GCNT3: variants seen among roughly 807,000 people sequenced by gnomAD.
GCNT3 encodes glucosaminyl (N-acetyl) transferase 3, mucin type, also known as beta-1,3-galactosyl-O-glycosyl-glycoprotein beta-1,6-N-acetylglucosaminyltransferase 3.
For synonymous variants in GCNT3, 269 were observed against 195.2 expected, an observed-to-expected ratio of 1.38 and a Z score of -3.15; for missense variants, 708 against 530.3, an observed-to-expected ratio of 1.34 and a Z score of -3.29.
At chr15:59,612,299 G>T (rs1408560896) in intron 1 of GCNT3, among the ~76,000 whole-genome samples, 1 of 152,346 alleles carries the variant, frequency 6.6e-6, no homozygotes, top group East Asian at 1.9e-4. Context: ...GTGATTAGGA[G>T]AAAAAGATTG....
chr15:59,618,221 G>A lies in GCNT3; in HGVS notation c.-18G>A, dbSNP rs375450381. On this transcript the variant is annotated 5_prime_UTR_variant, in exon 3 of 3. Coordinates refer to ENST00000396065, the MANE Select transcript of GCNT3 (RefSeq NM_004751.3). ...CCTTCCCTGTGCTCGGTCTCCACCT[G>A]TCTCCCATTCTGTGACGATGGTTCA... 6.3e-6 allele frequency: 9 copies of A among 1,428,938 alleles called. No individual in the cohort carries two copies. The African/African-American group carries it at 1.3e-4, about 20-fold the overall frequency. 88.5% of individuals were successfully genotyped at this position (1,428,938 alleles called of 1,614,324 possible). A position where few individuals can be genotyped will look rare whatever the true frequency, so the allele number is the denominator to read the frequency against.
chr15:59,618,967 C>G lies in GCNT3; in HGVS notation c.729C>G (p.Leu243=), dbSNP rs368185469. ...IKSNAEMVQA[L]KMLNGRNSME... is the part of the protein sequence containing the mutation. ...GCAATGCAGAGATGGTCCAGGCTCTCAAGATGTTGAATGGGAGGAATAGCA... is the reference window on the plus strand; with the variant it reads ...GCAATGCAGAGATGGTCCAGGCTCTGAAGATGTTGAATGGGAGGAATAGCA... Residue 243 remains leucine (L), a synonymous_variant, in exon 3 of 3, where the codon CTC becomes CTG. Transcript: ENST00000396065. The G allele has an allele frequency of 2.2e-5, 36 of 1,613,918 alleles. No individual in the cohort carries two copies. Among genetic ancestry groups the G allele is most frequent in the African/African-American group, 9.4e-5 (7 of 74,866 alleles).
At chr15:59,615,640 T>G (rs981579542) in intron 1 of GCNT3, among the ~76,000 whole-genome samples, 7 of 152,008 alleles carry the variant, frequency 4.6e-5, no homozygotes, top group Admixed American at 3.3e-4. Context: ...CCCAGCACTT[T>G]GGGAGGCCGA....
intron 2 of GCNT3, 154 bp from the exon 3 acceptor site, chr15:59,618,025 T>A: frequency 2.4e-6 from 1 of 425,048 alleles, no homozygotes; most frequent in Non-Finnish European, 4.2e-6. Context: ...ATTACAGATC[T>A]CCATCAACAA....
intron 1 of GCNT3, among the ~76,000 whole-genome samples, chr15:59,615,889 AAAC>A (rs2082717508): frequency 6.6e-6 from 1 of 152,156 alleles, no homozygotes; most frequent in African/African-American, 2.4e-5. Context: ...TACTTTGTAA[AAAC>A]AACAAAAAAC....
In GCNT3 at chr15:59,618,287, G is replaced by A; in HGVS notation, c.49G>A (p.Gly17Ser). 2 of 1,607,528 alleles carry A rather than the reference G, an allele frequency of 1.2e-6. No individual in the cohort carries two copies. Among genetic ancestry groups the A allele is most frequent in the Non-Finnish European group, 1.7e-6 (2 of 1,177,006 alleles). Reference protein sequence around the residue: ...LCQLHYLWALGCYMLLATVAL... With the variant: ...LCQLHYLWALSCYMLLATVAL... Reference sequence around the variant, plus strand: ...CCAGCTGCATTACTTGTGGGCTCTGGGCTGCTATATGCTGCTGGCCACTGT... The same window carrying A: ...CCAGCTGCATTACTTGTGGGCTCTGAGCTGCTATATGCTGCTGGCCACTGT... The change falls in exon 3 of 3, where the codon GGC (glycine) becomes AGC (serine). Residue 17 changes from glycine (G) to serine (S), a missense_variant. Coordinates refer to ENST00000396065, the MANE Select transcript of GCNT3 (RefSeq NM_004751.3).
chr15:59,614,793 A>G lies in GCNT3; in HGVS notation c.-250-1899A>G, dbSNP rs2082712124. 3.9e-5 allele frequency among the ~76,000 whole-genome samples: 6 copies of G among 152,224 alleles called. No individual in the cohort carries two copies. In the South Asian group the frequency reaches 1.2e-3, roughly 32 times the overall value. ...CCTTAACCATCTGCTAATGCAGCCCAGTAGGTCTCAGCCTCATTTTACCCA... is the reference window on the plus strand; with the variant it reads ...CCTTAACCATCTGCTAATGCAGCCCGGTAGGTCTCAGCCTCATTTTACCCA... On this transcript the variant is annotated intron_variant, in intron 1 of 2. Transcript: ENST00000396065.
intron 1 of GCNT3, among the ~76,000 whole-genome samples, chr15:59,614,601 G>T (rs1470069065): frequency 6.6e-6 from 1 of 152,176 alleles, no homozygotes; most frequent in African/African-American, 2.4e-5. Context: ...AATTGTCATG[G>T]CACTGGGGGC....
chr15:59,618,878 C>A lies in GCNT3; in HGVS notation c.640C>A (p.Leu214Ile). The A allele has an allele frequency of 6.2e-7, 1 of 1,614,170 alleles. No homozygotes were observed. The highest frequency in any genetic ancestry group is 1.1e-5 in the South Asian group (1 of 91,082). Residue 214 changes from leucine to isoleucine, a missense_variant, in exon 3 of 3, where the codon CTC (leucine) becomes ATC (isoleucine). Coordinates refer to ENST00000396065, the MANE Select transcript of GCNT3 (RefSeq NM_004751.3). Reference protein sequence around the residue: ...QADLNCMEDLLQSSVPWKYFL... With the variant: ...QADLNCMEDLIQSSVPWKYFL... Reference sequence around the variant, plus strand: ...TGACCTCAACTGCATGGAAGACTTGCTCCAGAGCTCAGTGCCGTGGAAATA... The same window carrying A: ...TGACCTCAACTGCATGGAAGACTTGATCCAGAGCTCAGTGCCGTGGAAATA...
rs1376741593 is a variant in GCNT3, at chr15:59,618,170, C to G, written c.-60-9C>G. ...GGTTTGTAACTGGAGGCATTTTGTT[C>G]TGTCCAAGGATTGTGTCCTCCTCCA... On this transcript the variant is annotated splice_polypyrimidine_tract_variant and intron_variant, in intron 2 of 2. Transcript: ENST00000396065. 4.9e-6 allele frequency: 4 copies of G among 820,616 alleles called. No individual in the cohort carries two copies. The highest frequency in any genetic ancestry group is 4.0e-5 in the South Asian group (2 of 50,460). The allele number at this position is 820,616 out of a possible 1,614,324, so 50.8% of individuals were successfully genotyped here.
chr15:59,617,792 T>G (rs1028727092), intron 2 of GCNT3: 5 of 153,406 alleles, frequency 3.3e-5, no homozygotes, highest in Admixed American at 2.6e-4. Context: ...CTGAATTTTA[T>G]GGATTTTTCT....
Position 59,618,938 on chromosome 15 carries a change from A to T in GCNT3, c.700A>T (p.Lys234Ter), listed in dbSNP as rs776828333. 6.2e-7 allele frequency: 1 copy of T among 1,614,180 alleles called. No individual in the cohort carries two copies. Among genetic ancestry groups the T allele is most frequent in the Admixed American group, 1.7e-5 (1 of 60,028 alleles). Residue 234 changes from lysine (K) to a stop codon, truncating the protein, a stop_gained, in exon 3 of 3, where the codon AAG (lysine) becomes TAG (stop). Transcript: ENST00000396065. LOFTEE classifies it low-confidence loss of function (END_TRUNC). ...TACATGTGGGACGGACTTTCCTATA[A>T]AGAGCAATGCAGAGATGGTCCAGGC... ...LNTCGTDFPIKSNAEMVQALK... is the reference protein window; with the variant it reads ...LNTCGTDFPI
Position 59,619,008 on chromosome 15 carries a change from CT to C in GCNT3, c.771del (p.Pro258LeufsTer14). 6.2e-7 allele frequency: 1 copy of C among 1,614,120 alleles called. No individual in the cohort carries two copies. Among genetic ancestry groups the C allele is most frequent in the Non-Finnish European group, 8.5e-7 (1 of 1,180,016 alleles). On this transcript the variant is annotated frameshift_variant, in exon 3 of 3. Coordinates refer to ENST00000396065, the MANE Select transcript of GCNT3 (RefSeq NM_004751.3). LOFTEE classifies it low-confidence loss of function (END_TRUNC). Reference protein sequence around the residue: ...NGRNSMESEVPPKHKETRWKY... With the variant: ...NGRNSMESEVXPKHKETRWKY... ...AGGAATAGCATGGAGTCAGAGGTAC[CT>C]CCTAAGCACAAAGAAACCCGCTGGA...
rs2082739609 is a variant in GCNT3, at chr15:59,619,889, A to G, written c.*334A>G. 4.7e-6 allele frequency: 1 copy of G among 213,422 alleles called. No homozygotes were observed. The highest frequency in any genetic ancestry group is 1.2e-4 in the South Asian group (1 of 8,232). 13.2% of individuals were successfully genotyped at this position (213,422 alleles called of 1,614,324 possible). ...TTGAATGCCTGCTGGTAGCTTTTCC[A>G]TTCTGTGGAGCTGCCGTTCCTAATA... On this transcript the variant is annotated 3_prime_UTR_variant, in exon 3 of 3. Transcript: ENST00000396065.
At chr15:59,612,898 A>G (rs1197260919) in intron 1 of GCNT3, among the ~76,000 whole-genome samples, 2 of 152,048 alleles carry the variant, frequency 1.3e-5, no homozygotes, top group African/African-American at 4.8e-5. Context: ...CAGAACACAG[A>G]GATGGAGGGC....
At position 59,618,487 on chromosome 15, in the gene GCNT3, G is replaced by A. The variant is rs776713116; in HGVS notation, c.249G>A (p.Gln83=). ...VTRGDQEAVL[Q]AILNNLEVKK... ...GAGGGGACCAAGAGGCAGTGCTTCA[G>A]GCTATTCTGAATAACCTGGAGGTCA... is the stretch of plus-strand genomic sequence containing the variant. Residue 83 remains glutamine (Q), a synonymous_variant, in exon 3 of 3, where the codon CAG becomes CAA. Coordinates refer to ENST00000396065, the MANE Select transcript of GCNT3 (RefSeq NM_004751.3). 2.8e-5 allele frequency: 45 copies of A among 1,614,024 alleles called. No homozygotes were observed. The highest frequency in any genetic ancestry group is 3.8e-5 in the Non-Finnish European group (45 of 1,180,008).
Position 59,619,019 on chromosome 15 carries a change from A to C in GCNT3, c.781A>C (p.Lys261Gln), listed in dbSNP as rs796462159. 1.2e-6 allele frequency: 2 copies of C among 1,614,198 alleles called. No individual in the cohort carries two copies. The highest frequency in any genetic ancestry group is 3.3e-5 in the Admixed American group (2 of 60,020). The change falls in exon 3 of 3, where the codon AAA becomes CAA. Residue 261 changes from lysine (K) to glutamine (Q), a missense_variant. Physicochemically the swap from Lys to Gln is moderately conservative, Grantham distance 53 (BLOSUM62 1). Coordinates refer to ENST00000396065, the MANE Select transcript of GCNT3 (RefSeq NM_004751.3). ...GGAGTCAGAGGTACCTCCTAAGCAC[A>C]AAGAAACCCGCTGGAAATATCACTT... ...SMESEVPPKH[K>Q]ETRWKYHFEV...
rs1200579498 is a variant in GCNT3, at chr15:59,619,293, A to G, written c.1055A>G (p.Tyr352Cys). The change falls in exon 3 of 3, where the codon TAC becomes TGC. Residue 352 changes from tyrosine (Y) to cysteine (C), a missense_variant. Transcript: ENST00000396065. ...MPGSVPNHPK[Y>C]DISDMTSIAR... ...GGCTCTGTTCCCAACCACCCCAAGT[A>G]CGACATCTCAGACATGACTTCTATT... is the stretch of plus-strand genomic sequence containing the variant. 1.2e-6 allele frequency: 2 copies of G among 1,613,992 alleles called. No individual in the cohort carries two copies. Among genetic ancestry groups the G allele is most frequent in the African/African-American group, 2.7e-5 (2 of 74,890 alleles).
In GCNT3 at chr15:59,619,007, C is replaced by G; in HGVS notation, c.769C>G (p.Pro257Ala). Residue 257 changes from proline (P) to alanine (A), a missense_variant, in exon 3 of 3, where the codon CCT (proline) becomes GCT (alanine). Coordinates refer to ENST00000396065, the MANE Select transcript of GCNT3 (RefSeq NM_004751.3). ...GAGGAATAGCATGGAGTCAGAGGTA[C>G]CTCCTAAGCACAAAGAAACCCGCTG... is the stretch of plus-strand genomic sequence containing the variant. ...NGRNSMESEV[P>A]PKHKETRWKY... 6 of 1,614,128 alleles carry G rather than the reference C, an allele frequency of 3.7e-6. No homozygotes were observed. Among genetic ancestry groups the G allele is most frequent in the Non-Finnish European group, 5.1e-6 (6 of 1,180,020 alleles).
Sources: gnomAD v4.1 joint callset for allele counts (sites outside exome capture counted in the v4.1 genomes callset) on GRCh38, gnomAD v4.1.1 for gene constraint, MANE v1.5 for transcripts, NCBI Gene and HGNC (gene_info 2026-07-23, HGNC 2026-07-21) for gene names.